CNKSR2: variants seen among roughly 807,000 people sequenced by gnomAD.
CNKSR2 encodes CNK homolog protein 2.
CNKSR2 carries 14 observed loss-of-function variants against 84.4 expected under a neutral mutation model. The ratio of observed to expected loss-of-function variants is 0.17; its 90% CI spans 0.11 to 0.26. The LOEUF (loss-of-function observed/expected upper bound fraction) is 0.26, where lower values mean the gene tolerates loss of function less well. Ranked by LOEUF, CNKSR2 falls within the 10% of genes least tolerant of loss-of-function variation. CNKSR2 has a pLI of 1.00. For missense variants in CNKSR2, 485 were observed against 771.2 expected (o/e 0.63, Z 4.40); for synonymous variants, 275 against 277.9 (o/e 0.99, Z 0.10).
At chrX:21,561,129 A>T (rs934568132) in intron 11 of CNKSR2, among the ~76,000 whole-genome samples, 43 of 108,331 alleles carry the variant, frequency 4.0e-4, no homozygotes, top group African/African-American at 1.3e-3. Context: ...GATGTTAGGA[A>T]ATAAGATAGA....
intron 2 of CNKSR2, chrX:21,426,893 A>T (rs773250041): frequency 9.2e-5 from 35 of 382,366 alleles, no homozygotes; most frequent in Non-Finnish European, 1.5e-4. Context: ...GTATATCAGA[A>T]CCTTAAGTCC....
chrX:21,375,429 C>T (rs1440312582), intron 1 of CNKSR2, among the ~76,000 whole-genome samples: 2 of 112,229 alleles, frequency 1.8e-5, no homozygotes, highest in African/African-American at 3.2e-5. Flanking sequence ...CGCCAACTCT[C>T]CCAAGCAACT....
chrX:21,548,081 A>G (rs1432152406), intron 11 of CNKSR2, among the ~76,000 whole-genome samples: 1 of 112,144 alleles, frequency 8.9e-6, no homozygotes, highest in Admixed American at 9.4e-5. Context: ...CTAAGATCAG[A>G]GCAGAACTGA....
At chrX:21,585,275 TATATA>T (rs1055359406) in intron 13 of CNKSR2, among the ~76,000 whole-genome samples, 2 of 104,591 alleles carry the variant, frequency 1.9e-5, no homozygotes, top group African/African-American at 3.4e-5. Flanking sequence ...ATTTATATAT[TATATA>T]ATATATGTAT....
intron 1 of CNKSR2, among the ~76,000 whole-genome samples, chrX:21,375,252 C>G (rs760475241): frequency 4.4e-5 from 5 of 112,859 alleles, no homozygotes; most frequent in African/African-American, 1.6e-4. Flanking sequence ...TGCGTACTCC[C>G]CTCTCCCCTT....
intron 11 of CNKSR2, among the ~76,000 whole-genome samples, chrX:21,544,898 CTA>C (rs2147149774): frequency 8.9e-6 from 1 of 111,815 alleles, no homozygotes; most frequent in Non-Finnish European, 1.9e-5. Flanking sequence ...AACCCACAGA[CTA>C]TGAGATTCCC....
chrX:21,542,696 C>A (rs2091986776), intron 11 of CNKSR2, among the ~76,000 whole-genome samples: 1 of 111,656 alleles, frequency 9.0e-6, no homozygotes, highest in African/African-American at 3.3e-5. Flanking sequence ...TAGAAACATG[C>A]TAAAAGGTAG....
At chrX:21,509,388 A>G (rs2147082074) in intron 8 of CNKSR2, among the ~76,000 whole-genome samples, 1 of 111,685 alleles carries the variant, frequency 9.0e-6, no homozygotes, top group African/African-American at 3.2e-5. Context: ...TCTTTCCCGT[A>G]TTTCTTCTTT....
At chrX:21,394,416 T>C (rs1258210305) in intron 1 of CNKSR2, among the ~76,000 whole-genome samples, 1 of 112,169 alleles carries the variant, frequency 8.9e-6, no homozygotes, top group Non-Finnish European at 1.9e-5. Context: ...CTAACTTCTG[T>C]CATGTAGCCA....
chrX:21,387,011 T>C (rs1434130169), intron 1 of CNKSR2, among the ~76,000 whole-genome samples: 1 of 112,371 alleles, frequency 8.9e-6, no homozygotes, highest in Non-Finnish European at 1.9e-5. Context: ...ACACCTTGTT[T>C]TAAAAAACAA....
chrX:21,396,456 A>G (rs187326133), intron 1 of CNKSR2, among the ~76,000 whole-genome samples: 2 of 111,195 alleles, frequency 1.8e-5, no homozygotes, highest in Non-Finnish European at 3.8e-5. Flanking sequence ...CATGGAGTAC[A>G]AGTACAACCT....
intron 1 of CNKSR2, 26 bp downstream of exon 1, chrX:21,374,987 G>C (rs1469913721): frequency 1.5e-5 from 17 of 1,155,102 alleles, no homozygotes; most frequent in Non-Finnish European, 2.0e-5. Context: ...GGGAGGGTGA[G>C]GCGGCACTGG....
At chrX:21,477,497 T>C (rs897106854) in intron 5 of CNKSR2, among the ~76,000 whole-genome samples, 2 of 111,482 alleles carry the variant, frequency 1.8e-5, no homozygotes, top group African/African-American at 6.5e-5. Flanking sequence ...ATTTGTTTTA[T>C]TTCATAAACA....
intron 9 of CNKSR2, among the ~76,000 whole-genome samples, chrX:21,520,110 A>T (rs749913933): frequency 7.2e-5 from 8 of 111,652 alleles, no homozygotes; most frequent in African/African-American, 2.6e-4. Flanking sequence ...AAATAAACAG[A>T]AGCATACAAT....
intron 9 of CNKSR2, among the ~76,000 whole-genome samples, chrX:21,524,877 T>G (rs2091819641): frequency 9.0e-6 from 1 of 111,414 alleles, no homozygotes; most frequent in South Asian, 3.7e-4. Context: ...GTTAGGATAT[T>G]TTAAAGTCAG....
At chrX:21,475,124 G>C (rs958841859) in intron 5 of CNKSR2, among the ~76,000 whole-genome samples, 2 of 111,764 alleles carry the variant, frequency 1.8e-5, no homozygotes, top group African/African-American at 3.3e-5. Context: ...CTACTTGATA[G>C]CACAACAGAG....
At chrX:21,606,990 G>A (rs773362986) in intron 19 of CNKSR2, 111 bp downstream of exon 19, 2 of 394,596 alleles carry the variant, frequency 5.1e-6, no homozygotes, top group Admixed American at 1.1e-4. Context: ...AGGTTTCTCA[G>A]CGGAAAAGAA....
chrX:21,484,380 T>C (rs1354802762), intron 5 of CNKSR2, among the ~76,000 whole-genome samples: 2 of 112,474 alleles, frequency 1.8e-5, no homozygotes, highest in East Asian at 5.5e-4. Context: ...TTTATATCAA[T>C]AAATATTTAA....
rs781658603 is a variant in CNKSR2, at chrX:21,650,026, A to G, written c.2889+999A>G. ...GTGGAATACAGTGTGGCGATTCCTC[A>G]AGGATCTAGAACCAGAAATACCATT... On this transcript the variant is annotated intron_variant, in intron 21 of 21. Transcript: ENST00000379510. Among the ~76,000 whole-genome samples the G allele has an allele frequency of 5.4e-5, 6 of 111,606 alleles. No homozygotes were observed. The East Asian group carries it at 1.7e-3, about 32-fold the overall frequency.
Sources: allele counts gnomAD v4.1 joint callset (sites outside exome capture counted in the v4.1 genomes callset), GRCh38; gene constraint gnomAD v4.1.1; transcripts MANE v1.5; gene names NCBI Gene and HGNC (gene_info 2026-07-23, HGNC 2026-07-21).